The following MINDY4 variants were observed in gnomAD, a reference collection of about 807,000 sequenced individuals.
MINDY4 encodes the protein MINDY lysine 48 deubiquitinase 4.
In MINDY4, 68 loss-of-function variants were observed where a neutral mutation model predicts 87.0. That is an observed-to-expected ratio of 0.78 (90% CI 0.64 to 0.96). MINDY4 has a LOEUF of 0.96. Among genes scored for constraint, MINDY4 ranks in the 40% least tolerant of loss-of-function variants. The pLI is 0.00. For missense variants in MINDY4, 919 were observed against 928.2 expected (o/e 0.99, Z 0.13); for synonymous variants, 379 against 363.2 (o/e 1.04, Z -0.50).
rs148974244 is a variant in MINDY4, at chr7:30,874,779, A to C, written c.1810-716A>C. 8.9e-3 allele frequency among the ~76,000 whole-genome samples: 1,360 copies of C among 152,122 alleles called. 34 individuals are homozygous for C. The highest frequency in any genetic ancestry group is 0.031 in the African/African-American group (1,297 of 41,472). On this transcript the variant is annotated intron_variant, in intron 14 of 17. Transcript: ENST00000265299. ...GCTTTCCCTGCCCTGTTAAAACCCC[A>C]CCGTCACTAATGAAGTTCAAACAAG...
rs995913626 is a variant in MINDY4, at chr7:30,789,458, A to G, written c.664-1707A>G. Among the ~76,000 whole-genome samples the G allele has an allele frequency of 7.9e-4, 120 of 152,320 alleles. 1 individual carries two copies. Among genetic ancestry groups the G allele is most frequent in the Non-Finnish European group, 1.8e-4 (12 of 68,030 alleles). On this transcript the variant is annotated intron_variant, in intron 4 of 17. Transcript: ENST00000265299. ...GCCGTACTTATTGGTTGCTCAGGAG[A>G]AAAGCTCCAAAGATTGTTGGGTATT...
chr7:30,830,036 A>C (rs886755370), intron 6 of MINDY4, among the ~76,000 whole-genome samples: 3 of 151,836 alleles, frequency 2.0e-5, no homozygotes, highest in African/African-American at 7.3e-5. Flanking sequence ...TCACGGAGAG[A>C]GTTCATGAAA....
intron 15 of MINDY4, among the ~76,000 whole-genome samples, chr7:30,881,380 T>C (rs942004443): frequency 1.3e-5 from 2 of 152,214 alleles, no homozygotes; most frequent in Non-Finnish European, 2.9e-5. Context: ...GGAATGCTCC[T>C]TATCCAAGTG....
intron 15 of MINDY4, 68 bp downstream of exon 15, chr7:30,875,724 G>A: frequency 6.6e-7 from 1 of 1,515,156 alleles, no homozygotes; most frequent in Non-Finnish European, 8.9e-7. Context: ...GGAGGGAAGT[G>A]GGGAAGGAAA....
intron 5 of MINDY4, among the ~76,000 whole-genome samples, chr7:30,815,263 A>G (rs994441386): frequency 2.6e-5 from 4 of 152,224 alleles, no homozygotes; most frequent in Admixed American, 1.3e-4. Flanking sequence ...CCTCCCTGGG[A>G]CAGGGCCAAG....
rs774475960 is a variant in MINDY4, at chr7:30,891,994, C to T, written c.2263C>T (p.Pro755Ser). Reference protein sequence around the residue: ...GASVNWNGSDPIL With the variant: ...GASVNWNGSDSIL ...ATCAGTGAACTGGAACGGCTCAGACCCCATCCTGTGACCGTTGGATGTGGG... is the reference window on the plus strand; with the variant it reads ...ATCAGTGAACTGGAACGGCTCAGACTCCATCCTGTGACCGTTGGATGTGGG... Residue 755 changes from proline (P) to serine (S), a missense_variant, in exon 18 of 18, where the codon CCC (proline) becomes TCC (serine). Coordinates refer to ENST00000265299, the MANE Select transcript of MINDY4 (RefSeq NM_032222.3). 1 of 1,614,046 alleles carries T rather than the reference C, an allele frequency of 6.2e-7. No individual in the cohort carries two copies.
At chr7:30,810,106 G>A (rs1244222780) in intron 5 of MINDY4, among the ~76,000 whole-genome samples, 1 of 150,268 alleles carries the variant, frequency 6.7e-6, no homozygotes, top group Non-Finnish European at 1.5e-5. Flanking sequence ...AACCTGGGAG[G>A]CGGAGGTTGT....
chr7:30,810,975 A>G (rs112230384), intron 5 of MINDY4, among the ~76,000 whole-genome samples: 6,558 of 152,220 alleles, frequency 0.043, 168 homozygotes, highest in Middle Eastern at 0.099. Context: ...TTTATCTTCC[A>G]CTTTTCTTTC....
rs1786631870 is a variant in MINDY4, at chr7:30,771,501, G to A, written c.8G>A (p.Ser3Asn). The change falls in exon 1 of 18, where the codon AGC becomes AAC. Residue 3 changes from serine to asparagine, a missense_variant. Ser to Asn is a conservative substitution (Grantham distance 46). Coordinates refer to ENST00000265299, the MANE Select transcript of MINDY4 (RefSeq NM_032222.3). The stretch of plus-strand genomic sequence containing the variant: ...AGAGCCAGAGCCAGAGCCATGGACA[G>A]CCTCTTCGTGGAGGAGGTGGCCGCC... MD[S>N]LFVEEVAASL... 1 of 1,605,356 alleles carries A rather than the reference G, an allele frequency of 6.2e-7. No individual in the cohort carries two copies. The highest frequency in any genetic ancestry group is 8.5e-7 in the Non-Finnish European group (1 of 1,177,128).
intron 2 of MINDY4, chr7:30,780,958 G>A (rs1786993907): frequency 6.6e-6 from 1 of 152,208 alleles, no homozygotes; most frequent in African/African-American, 2.4e-5. Flanking sequence ...AAACTGTCCC[G>A]GGTTTTGTCT....
chr7:30,862,481 A>C (rs1789795776), intron 13 of MINDY4, among the ~76,000 whole-genome samples: 1 of 152,040 alleles, frequency 6.6e-6, no homozygotes, highest in Non-Finnish European at 1.5e-5. Flanking sequence ...GCATCCCGGC[A>C]CCTCCAGCCT....
rs779134525 is a variant in MINDY4 at position 30,839,231 on chromosome 7, T to C, written c.1271T>C (p.Phe424Ser). The C allele has an allele frequency of 6.2e-7, 1 of 1,610,858 alleles. No individual in the cohort carries two copies. The highest frequency in any genetic ancestry group is 8.5e-7 in the Non-Finnish European group (1 of 1,179,156). Residue 424 changes from phenylalanine (F) to serine (S), a missense_variant, in exon 8 of 18, where the codon TTT (phenylalanine) becomes TCT (serine). Physicochemically the swap from Phe to Ser is radical, Grantham distance 155 (BLOSUM62 -2). Coordinates refer to ENST00000265299, the MANE Select transcript of MINDY4 (RefSeq NM_032222.3). The stretch of plus-strand genomic sequence containing the variant: ...AAGACCCTTCTGTTTGGTTCCAGCT[T>C]TTGCTGTTTCAATGAAGAATGGAAA... ...EIKTLLFGSSFCCFNEEWKLQ... is the reference protein window; with the variant it reads ...EIKTLLFGSSSCCFNEEWKLQ...
chr7:30,801,853 C>G (rs1787660380), intron 5 of MINDY4, among the ~76,000 whole-genome samples: 1 of 152,190 alleles, frequency 6.6e-6, no homozygotes. Context: ...AGTGGCCACA[C>G]ATCCCCCTGG....
intron 5 of MINDY4, among the ~76,000 whole-genome samples, chr7:30,809,804 A>G (rs1158961494): frequency 1.3e-5 from 2 of 152,046 alleles, no homozygotes; most frequent in Admixed American, 6.5e-5. Flanking sequence ...GGGGGAAAAA[A>G]AAGGGGGGCA....
At position 30,859,681 on chromosome 7, in the gene MINDY4, G is replaced by A. The variant is rs78080417; in HGVS notation, c.1745+357G>A. ...AATTGAGGCTGAGACCCAGGAGATG[G>A]CTGAGGGCCCTCTAGAGCTCGGGAC... is the stretch of plus-strand genomic sequence containing the variant. On this transcript the variant is annotated intron_variant, in intron 13 of 17. Coordinates refer to ENST00000265299, the MANE Select transcript of MINDY4 (RefSeq NM_032222.3). Among the ~76,000 whole-genome samples the A allele has an allele frequency of 5.4e-3, 816 of 152,292 alleles. 10 individuals carry two copies. Among genetic ancestry groups the A allele is most frequent in the African/African-American group, 0.018 (768 of 41,582 alleles).
At chr7:30,875,460 A>T (rs758345103) in intron 14 of MINDY4, 35 bp from the exon 15 acceptor site, 2 of 1,611,894 alleles carry the variant, frequency 1.2e-6, no homozygotes, top group East Asian at 4.5e-5. Context: ...ACTGATTCAG[A>T]CTTGATGAGT....
intron 9 of MINDY4, among the ~76,000 whole-genome samples, chr7:30,847,535 GT>G (rs1789259908): frequency 6.8e-6 from 1 of 146,160 alleles, no homozygotes. Flanking sequence ...ATTTTTTCCA[GT>G]TTTTACTAAC....
In MINDY4 at chr7:30,859,388, G is replaced by C. The variant is rs149246791; in HGVS notation, c.1745+64G>C. On this transcript the variant is annotated intron_variant, in intron 13 of 17. Transcript: ENST00000265299. Reference sequence around the variant, plus strand: ...GGTCTGTCTTGTTCACTGCTGCCTCGCTAGAGCCCAGGATGGTGCTTGGCA... The same window carrying C: ...GGTCTGTCTTGTTCACTGCTGCCTCCCTAGAGCCCAGGATGGTGCTTGGCA... 6.0e-4 allele frequency: 885 copies of C among 1,465,678 alleles called. 3 individuals are homozygous for C. In the African/African-American group the frequency reaches 0.01, roughly 17 times the overall value. The allele number at this position is 1,465,678 out of a possible 1,614,324, so 90.8% of individuals were successfully genotyped here. A position where few individuals can be genotyped will look rare whatever the true frequency, so the allele number is the denominator to read the frequency against.
chr7:30,882,669 G>A (rs1276141369), intron 16 of MINDY4, among the ~76,000 whole-genome samples: 1 of 152,216 alleles, frequency 6.6e-6, no homozygotes, highest in Non-Finnish European at 1.5e-5. Context: ...AGCCATGGAA[G>A]GTTTTGGAAT....
Sources: allele counts gnomAD v4.1 joint callset (sites outside exome capture counted in the v4.1 genomes callset), GRCh38; gene constraint gnomAD v4.1.1; transcripts MANE v1.5; gene names NCBI Gene and HGNC (gene_info 2026-07-23, HGNC 2026-07-21).